GLIS3: variants seen among roughly 807,000 people sequenced by gnomAD.
The protein encoded by GLIS3 is GLIS family zinc finger 3, also known as zinc finger protein GLIS3.
Under a neutral mutation model 78.6 loss-of-function variants are expected in GLIS3, and 53 were observed. The observed-to-expected ratio is 0.67, with a 90% CI of 0.54 to 0.85. The LOEUF is 0.85. Among genes scored for constraint, GLIS3 ranks in the 40% least tolerant of loss-of-function variants. The probability of loss-of-function intolerance (pLI) is 0.00; values close to 1 mark genes in which losing one functional copy is unlikely to be tolerated. For missense variants in GLIS3, 1,703 were observed against 1,231.1 expected, an observed-to-expected ratio of 1.38 and a Z score of -5.74; for synonymous variants, 684 against 509.9, an observed-to-expected ratio of 1.34 and a Z score of -4.60.
intron 4 of GLIS3, among the ~76,000 whole-genome samples, chr9:4,015,100 T>A (rs1041898954): frequency 6.6e-6 from 1 of 152,190 alleles, no homozygotes; most frequent in African/African-American, 2.4e-5. Flanking sequence ...TAAGAGCACA[T>A]GTGGATTTGA....
At chr9:3,920,087 T>A (rs1214611341) in intron 6 of GLIS3, among the ~76,000 whole-genome samples, 1 of 144,998 alleles carries the variant, frequency 6.9e-6, no homozygotes, top group African/African-American at 2.6e-5. Flanking sequence ...CACTGCAAGC[T>A]CCGCCTCCTG....
At chr9:3,940,568 C>G (rs1267122097) in intron 4 of GLIS3, among the ~76,000 whole-genome samples, 2 of 152,134 alleles carry the variant, frequency 1.3e-5, no homozygotes, top group East Asian at 3.9e-4. Context: ...GACTCAGTGA[C>G]ACATGACTGA....
intron 4 of GLIS3, among the ~76,000 whole-genome samples, chr9:4,030,920 G>A (rs1245322019): frequency 6.6e-6 from 1 of 152,224 alleles, no homozygotes; most frequent in Non-Finnish European, 1.5e-5. Context: ...GGCATCATTA[G>A]TCACTAGGAA....
chr9:4,411,650 G>C, the GLIS3 span, among the ~76,000 whole-genome samples: 1 of 151,948 alleles, frequency 6.6e-6, no homozygotes. Flanking sequence ...TTGATTTATG[G>C]TGCTGTATGC....
chr9:3,857,531 G>A (rs866298214), intron 8 of GLIS3, among the ~76,000 whole-genome samples: 3 of 152,306 alleles, frequency 2.0e-5, no homozygotes, highest in Non-Finnish European at 4.4e-5. Flanking sequence ...GAGGTGTGAT[G>A]AGACTATAGA....
chr9:3,875,592 C>A (rs1821258078), intron 8 of GLIS3: 1 of 152,146 alleles, frequency 6.6e-6, no homozygotes, highest in African/African-American at 2.4e-5. Context: ...CAAACAGAGG[C>A]AAAGATATAC....
the GLIS3 span, among the ~76,000 whole-genome samples, chr9:4,397,086 C>G: frequency 1.5e-5 from 2 of 135,336 alleles, no homozygotes; most frequent in African/African-American, 5.9e-5. Flanking sequence ...AGTGCAGTGG[C>G]GCGATCTTGG....
chr9:4,243,333 C>A (rs13285700), intron 2 of GLIS3, among the ~76,000 whole-genome samples: 15,841 of 152,100 alleles, frequency 0.1, 1,134 homozygotes, highest in Non-Finnish European at 0.15. Context: ...TCAACTTTCC[C>A]TGGTAGTCAG....
chr9:3,945,062 T>A (rs1321646067), intron 4 of GLIS3, among the ~76,000 whole-genome samples: 1 of 152,218 alleles, frequency 6.6e-6, no homozygotes, highest in Non-Finnish European at 1.5e-5. Context: ...GCAGCATTAA[T>A]GCCTCTTAAA....
chr9:4,452,113 A>T, the GLIS3 span, among the ~76,000 whole-genome samples: 1 of 152,132 alleles, frequency 6.6e-6, no homozygotes, highest in Non-Finnish European at 1.5e-5. Context: ...CCTTTGATAA[A>T]ATTCAACACC....
chr9:4,473,457 C>CA, the GLIS3 span, among the ~76,000 whole-genome samples: 10 of 60,658 alleles, frequency 1.6e-4, no homozygotes, highest in African/African-American at 4.3e-4. Flanking sequence ...ACAACAACAA[C>CA]AACAAAAAAA....
At chr9:4,231,154 T>G (rs930429862) in intron 2 of GLIS3, among the ~76,000 whole-genome samples, 3 of 152,116 alleles carry the variant, frequency 2.0e-5, no homozygotes, top group Non-Finnish European at 4.4e-5. Context: ...ATTATAAATT[T>G]ATGAAAATTA....
chr9:4,452,497 G>A, the GLIS3 span, among the ~76,000 whole-genome samples: 2 of 152,162 alleles, frequency 1.3e-5, no homozygotes, highest in Admixed American at 6.5e-5. Context: ...AACTCAATGT[G>A]CAGAAATCAC....
intron 2 of GLIS3, among the ~76,000 whole-genome samples, chr9:4,216,357 G>A (rs1963156): frequency 6.6e-6 from 1 of 151,746 alleles, no homozygotes; most frequent in African/African-American, 2.4e-5. Context: ...CCTGTAGTCC[G>A]AGCTACTCAA....
intron 4 of GLIS3, among the ~76,000 whole-genome samples, chr9:4,059,804 T>TTGTGTGTGTGTG (rs138674422): frequency 2.0e-3 from 214 of 107,646 alleles, no homozygotes; most frequent in South Asian, 6.1e-3. Context: ...TCAGCTTTAT[T>TTGTGTGTGTGTG]TGTGTGTGTG....
At chr9:4,412,195 G>T in the GLIS3 span, among the ~76,000 whole-genome samples, 1 of 152,214 alleles carries the variant, frequency 6.6e-6, no homozygotes, top group Non-Finnish European at 1.5e-5. Flanking sequence ...GCCTAGCAAG[G>T]TGGAGGGCTT....
At chr9:4,174,580 TGACA>T (rs1816658259) in intron 2 of GLIS3, among the ~76,000 whole-genome samples, 1 of 152,248 alleles carries the variant, frequency 6.6e-6, no homozygotes, top group South Asian at 2.1e-4. Flanking sequence ...ATTATCTAAC[TGACA>T]TTTTTACAAA....
the GLIS3 span, among the ~76,000 whole-genome samples, chr9:4,417,923 G>C: frequency 1.3e-5 from 2 of 152,130 alleles, no homozygotes; most frequent in Non-Finnish European, 2.9e-5. Flanking sequence ...TATAGGTTTA[G>C]GGGTTGGGGA....
intron 2 of GLIS3, among the ~76,000 whole-genome samples, chr9:4,186,309 C>T (rs891091109): frequency 1.3e-4 from 20 of 151,972 alleles, no homozygotes; most frequent in Admixed American, 6.6e-5. Context: ...TCATCCATGT[C>T]CCTACAAAGG....
Sources: gnomAD v4.1 joint callset for allele counts (sites outside exome capture counted in the v4.1 genomes callset) on GRCh38, gnomAD v4.1.1 for gene constraint, MANE v1.5 for transcripts, NCBI Gene and HGNC (gene_info 2026-07-23, HGNC 2026-07-21) for gene names.